Variants in IQGAP2 observed in about 807,000 individuals in gnomAD.
The protein encoded by IQGAP2 is ras GTPase-activating-like protein IQGAP2.
A neutral mutation model predicts 201.3 loss-of-function variants in IQGAP2; 173 were observed. The observed-to-expected ratio is 0.86, with a 90% CI of 0.76 to 0.98. IQGAP2 has a LOEUF of 0.98. Among genes scored for constraint, IQGAP2 ranks in the 50% least tolerant of loss-of-function variants. The pLI is 0.00. For synonymous variants in IQGAP2, 675 were observed against 673.9 expected (o/e 1.00, Z -0.03); for missense variants, 1,687 against 1,864.8 (o/e 0.90, Z 1.76).
At chr5:76,681,616 G>C (rs758377927) in intron 28 of IQGAP2, among the ~76,000 whole-genome samples, 1 of 151,868 alleles carries the variant, frequency 6.6e-6, no homozygotes, top group Non-Finnish European at 1.5e-5. Context: ...AATGTAAAAT[G>C]GTGCAGCTGC....
intron 2 of IQGAP2, among the ~76,000 whole-genome samples, chr5:76,541,373 G>A (rs112939863): frequency 0.01 from 1,592 of 152,054 alleles, 18 homozygotes; most frequent in African/African-American, 0.036. Context: ...ATTCCTTTTC[G>A]TGGCCAAATA....
At chr5:76,676,208 T>C (rs935721259) in intron 27 of IQGAP2, among the ~76,000 whole-genome samples, 3 of 152,238 alleles carry the variant, frequency 2.0e-5, no homozygotes, top group Non-Finnish European at 2.9e-5. Flanking sequence ...CTATTCTTTA[T>C]TTAAAAAGAA....
chr5:76,562,740 C>A (rs1744472236), intron 3 of IQGAP2, among the ~76,000 whole-genome samples, 188 bp downstream of exon 3: 1 of 152,156 alleles, frequency 6.6e-6, no homozygotes, highest in Non-Finnish European at 1.5e-5. Context: ...TATTTCTGGT[C>A]TGACACTAAG....
chr5:76,519,857 C>G (rs1428707059), intron 2 of IQGAP2, among the ~76,000 whole-genome samples: 2 of 152,182 alleles, frequency 1.3e-5, no homozygotes, highest in African/African-American at 4.8e-5. Flanking sequence ...ACTATCTGCT[C>G]AACTCTTTTG....
At chr5:76,512,419 T>G (rs1326691227) in intron 2 of IQGAP2, among the ~76,000 whole-genome samples, 1 of 152,218 alleles carries the variant, frequency 6.6e-6, no homozygotes, top group Non-Finnish European at 1.5e-5. Flanking sequence ...CGTGCTAACC[T>G]TTCTGCTTTA....
intron 13 of IQGAP2, among the ~76,000 whole-genome samples, chr5:76,626,793 C>T (rs767239272): frequency 1.3e-5 from 2 of 152,054 alleles, no homozygotes; most frequent in Non-Finnish European, 2.9e-5. Context: ...ACTAGGGTAG[C>T]CCGGGAAGAC....
At chr5:76,496,761 C>CTTTTCTTTCT (rs368129209) in intron 2 of IQGAP2, among the ~76,000 whole-genome samples, 2 of 89,048 alleles carry the variant, frequency 2.2e-5, no homozygotes, top group Non-Finnish European at 4.2e-5. Context: ...TTCTTTCTTT[C>CTTTTCTTTCT]TTTCTTTCTT....
intron 2 of IQGAP2, among the ~76,000 whole-genome samples, chr5:76,532,095 G>C (rs934121406): frequency 3.3e-5 from 5 of 152,226 alleles, no homozygotes; most frequent in Non-Finnish European, 5.9e-5. Flanking sequence ...TTTTAGCATA[G>C]GAGTTTGAGG....
chr5:76,474,361 G>A (rs1208592643), intron 2 of IQGAP2, among the ~76,000 whole-genome samples: 1 of 152,158 alleles, frequency 6.6e-6, no homozygotes, highest in Non-Finnish European at 1.5e-5. Flanking sequence ...AACTTATTTG[G>A]TAGATTCAGT....
chr5:76,548,376 G>A (rs1743222967), intron 2 of IQGAP2, among the ~76,000 whole-genome samples: 1 of 152,172 alleles, frequency 6.6e-6, no homozygotes, highest in South Asian at 2.1e-4. Flanking sequence ...TAAAGCACAG[G>A]CACACCTGGC....
chr5:76,576,233 A>G (rs1406700907), intron 5 of IQGAP2, among the ~76,000 whole-genome samples: 3 of 152,178 alleles, frequency 2.0e-5, no homozygotes, highest in African/African-American at 7.2e-5. Context: ...GTTTCTTTTG[A>G]TCTTCTGTTC....
intron 23 of IQGAP2, among the ~76,000 whole-genome samples, chr5:76,670,934 T>C (rs1166458099): frequency 1.3e-5 from 2 of 152,250 alleles, no homozygotes; most frequent in African/African-American, 4.8e-5. Flanking sequence ...GCTGTGACTT[T>C]ATTTTCAGAT....
At chr5:76,521,307 C>T (rs1164141510) in intron 2 of IQGAP2, among the ~76,000 whole-genome samples, 3 of 152,186 alleles carry the variant, frequency 2.0e-5, no homozygotes, top group South Asian at 2.1e-4. Context: ...ACCAATTCCA[C>T]GGGTCTAGCC....
At chr5:76,605,124 G>C (rs2150329521) in intron 11 of IQGAP2, among the ~76,000 whole-genome samples, 1 of 152,310 alleles carries the variant, frequency 6.6e-6, no homozygotes, top group African/African-American at 2.4e-5. Context: ...CGCTGGAATA[G>C]TTCATGTTAG....
chr5:76,580,885 A>T (rs1745804190), intron 5 of IQGAP2, among the ~76,000 whole-genome samples: 1 of 152,226 alleles, frequency 6.6e-6, no homozygotes, highest in South Asian at 2.1e-4. Context: ...TAATTTTTCA[A>T]GTTTAACCTT....
intron 2 of IQGAP2, chr5:76,510,621 G>A: frequency 3.9e-6 from 2 of 517,668 alleles, no homozygotes; most frequent in Admixed American, 2.1e-5. Flanking sequence ...AGATCAGAGG[G>A]GCCCAGGGAG....
At chr5:76,503,945 ATTC>A (rs1310157913) in intron 2 of IQGAP2, among the ~76,000 whole-genome samples, 1 of 152,284 alleles carries the variant, frequency 6.6e-6, no homozygotes, top group African/African-American at 2.4e-5. Context: ...GAGTACAGAT[ATTC>A]TTCTGTTGGT....
At chr5:76,590,722 GAA>G (rs1399364109) in intron 8 of IQGAP2, 136 bp downstream of exon 8, 7 of 677,836 alleles carry the variant, frequency 1.0e-5, no homozygotes, top group Non-Finnish European at 1.7e-5. Flanking sequence ...TGATTTGAAT[GAA>G]ATGTAGCATA....
intron 1 of IQGAP2, among the ~76,000 whole-genome samples, chr5:76,409,122 AAACAAC>A (rs143905916): frequency 6.5e-4 from 99 of 151,690 alleles, no homozygotes; most frequent in Non-Finnish European, 1.1e-3. Flanking sequence ...AACAAACAAA[AAACAAC>A]AACACAAAAA....
Sources: allele counts gnomAD v4.1 joint callset (sites outside exome capture counted in the v4.1 genomes callset), GRCh38; gene constraint gnomAD v4.1.1; transcripts MANE v1.5; gene names NCBI Gene and HGNC (gene_info 2026-07-23, HGNC 2026-07-21).